Variants in FOCAD observed in about 807,000 individuals in gnomAD.
FOCAD encodes KIAA1797.
Under a neutral mutation model 225.6 loss-of-function variants are expected in FOCAD, and 198 were observed. The ratio of observed to expected loss-of-function variants is 0.88; its 90% CI spans 0.78 to 0.99. The LOEUF is 0.99. Among genes scored for constraint, FOCAD ranks in the 50% least tolerant of loss-of-function variants. The probability of loss-of-function intolerance (pLI) is 0.00; values close to 1 mark genes in which losing one functional copy is unlikely to be tolerated. For missense variants in FOCAD, 2,713 were observed against 2,123.6 expected, an observed-to-expected ratio of 1.28 and a Z score of -5.46; for synonymous variants, 897 against 755.0, an observed-to-expected ratio of 1.19 and a Z score of -3.08.
intron 1 of FOCAD, among the ~76,000 whole-genome samples, chr9:20,705,132 T>C (rs1563895112): frequency 6.6e-6 from 1 of 152,214 alleles, no homozygotes; most frequent in Non-Finnish European, 1.5e-5. Flanking sequence ...TTAATACATG[T>C]AAAATGCTTA....
intron 17 of FOCAD, 68 bp from the exon 18 acceptor site, chr9:20,866,861 T>C: frequency 5.3e-6 from 5 of 946,418 alleles, no homozygotes; most frequent in Non-Finnish European, 7.9e-6. Flanking sequence ...TGATGTTTAA[T>C]GCATGTTGTG....
chr9:20,936,367 G>A (rs1835969167), intron 28 of FOCAD, among the ~76,000 whole-genome samples: 1 of 152,190 alleles, frequency 6.6e-6, no homozygotes, highest in Non-Finnish European at 1.5e-5. Flanking sequence ...TATGGTAGTG[G>A]TAGCTGCATG....
chr9:20,667,466 A>C (rs1042829584), intron 2 of FOCAD, among the ~76,000 whole-genome samples: 22 of 152,276 alleles, frequency 1.4e-4, no homozygotes, highest in Non-Finnish European at 1.2e-4. Context: ...TAAAAGAAAA[A>C]GTACCCAATA....
intron 10 of FOCAD, among the ~76,000 whole-genome samples, chr9:20,783,380 GC>G (rs1256285259): frequency 6.6e-6 from 1 of 151,712 alleles, no homozygotes; most frequent in Admixed American, 6.6e-5. Flanking sequence ...TTTACTGTTG[GC>G]TTTTTTTTTT....
chr9:20,669,146 GAGTAAGGCA>G (rs1563865796), intron 2 of FOCAD, among the ~76,000 whole-genome samples: 1 of 152,140 alleles, frequency 6.6e-6, no homozygotes, highest in Admixed American at 6.5e-5. Flanking sequence ...CTGGTCTTTG[GAGTAAGGCA>G]AGTGAGGTCC....
Position 20,781,931 on chromosome 9 carries a change from T to A in FOCAD, c.1197+2T>A. On this transcript the variant is annotated splice_donor_variant, in intron 10 of 43. Transcript: ENST00000338382. LOFTEE classifies it high-confidence loss of function. Reference sequence around the variant, plus strand: ...TGTTACAGAGATGACCACCAAAAGGTAATGAATCTATCCTTGTTTCTCTTA... The same window carrying A: ...TGTTACAGAGATGACCACCAAAAGGAAATGAATCTATCCTTGTTTCTCTTA... 1 of 1,612,776 alleles carries A rather than the reference T, an allele frequency of 6.2e-7. No homozygotes were observed. The highest frequency in any genetic ancestry group is 2.2e-5 in the East Asian group (1 of 44,834).
At chr9:20,905,420 T>C (rs972007496) in intron 21 of FOCAD, among the ~76,000 whole-genome samples, 6 of 152,038 alleles carry the variant, frequency 3.9e-5, no homozygotes, top group Admixed American at 1.3e-4. Context: ...GACCATTGTC[T>C]TCCTTGCAAA....
At chr9:20,979,945 G>T (rs1840545179) in intron 37 of FOCAD, among the ~76,000 whole-genome samples, 1 of 152,072 alleles carries the variant, frequency 6.6e-6, no homozygotes, top group Non-Finnish European at 1.5e-5. Context: ...AAAATGTGAT[G>T]AATTTGAGTA....
intron 8 of FOCAD, among the ~76,000 whole-genome samples, chr9:20,773,546 T>C (rs1818447191): frequency 6.6e-6 from 1 of 152,204 alleles, no homozygotes; most frequent in Non-Finnish European, 1.5e-5. Context: ...TAGAGGTTTC[T>C]AGCCACCACA....
chr9:20,716,689 G>A (rs1825363775), intron 2 of FOCAD, among the ~76,000 whole-genome samples: 1 of 152,074 alleles, frequency 6.6e-6, no homozygotes, highest in South Asian at 2.1e-4. Context: ...ACTGCTCGAT[G>A]TTAGCACCAT....
chr9:20,697,149 AT>A (rs1823440929), intron 1 of FOCAD, among the ~76,000 whole-genome samples: 1 of 152,236 alleles, frequency 6.6e-6, no homozygotes, highest in Non-Finnish European at 1.5e-5. Flanking sequence ...CTGGAAAAAA[AT>A]AAACATGTCC....
chr9:20,992,101 A>G (rs1841725848), intron 42 of FOCAD, among the ~76,000 whole-genome samples: 1 of 152,198 alleles, frequency 6.6e-6, no homozygotes, highest in African/African-American at 2.4e-5. Flanking sequence ...TAAAATGCCT[A>G]TTACCTATCA....
At chr9:20,752,889 G>A (rs561806921) in intron 5 of FOCAD, among the ~76,000 whole-genome samples, 36 of 151,386 alleles carry the variant, frequency 2.4e-4, no homozygotes, top group African/African-American at 8.2e-4. Context: ...CTTGTAAGCT[G>A]GATTCCTAGG....
intron 4 of FOCAD, among the ~76,000 whole-genome samples, chr9:20,737,476 G>A (rs1827242917): frequency 6.6e-6 from 1 of 152,186 alleles, no homozygotes; most frequent in African/African-American, 2.4e-5. Context: ...CTAATCATTA[G>A]GCTCAGAGTG....
At chr9:20,945,058 T>C (rs1837047735) in intron 29 of FOCAD, among the ~76,000 whole-genome samples, 1 of 152,242 alleles carries the variant, frequency 6.6e-6, no homozygotes. Flanking sequence ...CTGCAATTTC[T>C]GGAAGAAGGT....
intron 19 of FOCAD, among the ~76,000 whole-genome samples, chr9:20,880,774 A>T (rs1830604379): frequency 6.6e-6 from 1 of 152,190 alleles, no homozygotes; most frequent in African/African-American, 2.4e-5. Flanking sequence ...AATTCCAGTT[A>T]GGTGGACCCT....
chr9:20,918,271 G>A (rs988728828), intron 24 of FOCAD, among the ~76,000 whole-genome samples: 3 of 152,284 alleles, frequency 2.0e-5, no homozygotes, highest in East Asian at 1.9e-4. Flanking sequence ...ATAATTCCTC[G>A]TGTCTAGTAG....
chr9:20,981,050 C>A (rs1267275587), intron 37 of FOCAD, among the ~76,000 whole-genome samples: 1 of 152,210 alleles, frequency 6.6e-6, no homozygotes, highest in African/African-American at 2.4e-5. Context: ...TTTCATCTTC[C>A]AGAGCTTTTC....
At chr9:20,976,008 G>A (rs1404145277) in intron 35 of FOCAD, among the ~76,000 whole-genome samples, 1 of 152,072 alleles carries the variant, frequency 6.6e-6, no homozygotes. Context: ...AAGCACTGTA[G>A]GGTAGTGACT....
Sources: gnomAD v4.1 joint callset for allele counts (sites outside exome capture counted in the v4.1 genomes callset) on GRCh38, gnomAD v4.1.1 for gene constraint, MANE v1.5 for transcripts, NCBI Gene and HGNC (gene_info 2026-07-23, HGNC 2026-07-21) for gene names.